The following NDUFAF2 variants were observed in gnomAD, a reference collection of about 807,000 sequenced individuals.
NDUFAF2 encodes the protein NADH:ubiquinone oxidoreductase complex assembly factor 2.
In NDUFAF2, 13 loss-of-function variants were observed where a neutral mutation model predicts 22.8. That is an observed-to-expected ratio of 0.57 (90% CI 0.37 to 0.91). NDUFAF2 has a LOEUF of 0.91. Among genes scored for constraint, NDUFAF2 ranks in the 40% least tolerant of loss-of-function variants. The probability of loss-of-function intolerance (pLI) is 0.01; values close to 1 mark genes in which losing one functional copy is unlikely to be tolerated. For missense variants in NDUFAF2, 162 were observed against 195.2 expected (o/e 0.83, Z 1.01); for synonymous variants, 53 against 64.2 (o/e 0.83, Z 0.84).
chr5:61,089,740 G>A (rs548647457), intron 2 of NDUFAF2, among the ~76,000 whole-genome samples: 3 of 152,010 alleles, frequency 2.0e-5, no homozygotes, highest in Non-Finnish European at 4.4e-5. Context: ...AAATAGACTA[G>A]GCAATATTTA....
chr5:61,064,057 T>G (rs1752199698), intron 1 of NDUFAF2, among the ~76,000 whole-genome samples: 1 of 152,084 alleles, frequency 6.6e-6, no homozygotes, highest in South Asian at 2.1e-4. Context: ...AAGAAGATAT[T>G]CCATTTAATG....
At chr5:60,947,674 G>A (rs540778471) in intron 1 of NDUFAF2, among the ~76,000 whole-genome samples, 2 of 148,566 alleles carry the variant, frequency 1.3e-5, no homozygotes, top group African/African-American at 5.0e-5. Flanking sequence ...GCTAAGGCAG[G>A]AAAATCACTT....
chr5:61,118,116 C>A (rs1752935200), intron 3 of NDUFAF2, among the ~76,000 whole-genome samples: 1 of 152,176 alleles, frequency 6.6e-6, no homozygotes, highest in Non-Finnish European at 1.5e-5. Context: ...TCCTTTCTCA[C>A]TTCTTTCAAA....
At chr5:61,039,252 C>T (rs959264215) in intron 1 of NDUFAF2, among the ~76,000 whole-genome samples, 1 of 149,470 alleles carries the variant, frequency 6.7e-6, no homozygotes, top group African/African-American at 2.5e-5. Flanking sequence ...ATTTAAGTTA[C>T]TGTTGAAAAA....
chr5:61,136,828 G>T (rs899916240), intron 3 of NDUFAF2, among the ~76,000 whole-genome samples: 1 of 152,182 alleles, frequency 6.6e-6, no homozygotes, highest in African/African-American at 2.4e-5. Context: ...GGAAGCTGGG[G>T]TATTTATCCA....
At chr5:61,128,993 A>C (rs1355620351) in intron 3 of NDUFAF2, among the ~76,000 whole-genome samples, 2 of 152,234 alleles carry the variant, frequency 1.3e-5, no homozygotes, top group African/African-American at 4.8e-5. Flanking sequence ...AAGTATATGA[A>C]CAGACACTTC....
Position 60,982,645 on chromosome 5 carries a change from C to T in NDUFAF2, c.127+37263C>T, listed in dbSNP as rs1044238982. Among the ~76,000 whole-genome samples, 8 of 147,770 alleles carry T rather than the reference C, an allele frequency of 5.4e-5. No individual in the cohort carries two copies. The South Asian group carries it at 8.6e-4, about 16-fold the overall frequency. The stretch of plus-strand genomic sequence containing the variant: ...GTTCCCACCTATGAGTGGGAACATG[C>T]GGTGTTTGGTCTTTTGTCCTTGCGA... On this transcript the variant is annotated intron_variant, in intron 1 of 3. Coordinates refer to ENST00000296597, the MANE Select transcript of NDUFAF2 (RefSeq NM_174889.5).
intron 1 of NDUFAF2, among the ~76,000 whole-genome samples, chr5:60,997,831 T>A (rs767430642): frequency 6.6e-6 from 1 of 152,090 alleles, no homozygotes; most frequent in Non-Finnish European, 1.5e-5. Flanking sequence ...GAACAAAAAT[T>A]CTAAGTGTGT....
intron 1 of NDUFAF2, among the ~76,000 whole-genome samples, chr5:61,047,814 A>C (rs1239837189): frequency 1.3e-5 from 2 of 152,116 alleles, no homozygotes; most frequent in African/African-American, 4.8e-5. Flanking sequence ...AGTAAACTAG[A>C]GTATTTTGGT....
chr5:61,010,244 G>A (rs946308028), intron 1 of NDUFAF2, among the ~76,000 whole-genome samples: 1 of 152,064 alleles, frequency 6.6e-6, no homozygotes, highest in Non-Finnish European at 1.5e-5. Context: ...CTTTAATTCA[G>A]TGACTTTGTA....
At chr5:60,947,259 T>C (rs1234644757) in intron 1 of NDUFAF2, among the ~76,000 whole-genome samples, 1 of 152,186 alleles carries the variant, frequency 6.6e-6, no homozygotes, top group African/African-American at 2.4e-5. Context: ...AAATTCTAGT[T>C]GTTTCCACAC....
chr5:60,991,305 T>G (rs528435407), intron 1 of NDUFAF2, among the ~76,000 whole-genome samples: 5 of 152,298 alleles, frequency 3.3e-5, no homozygotes, highest in African/African-American at 1.2e-4. Flanking sequence ...TCTTATACAT[T>G]TATACTTTGA....
chr5:61,041,882 C>T (rs1751887744), intron 1 of NDUFAF2, among the ~76,000 whole-genome samples: 2 of 152,140 alleles, frequency 1.3e-5, no homozygotes, highest in Admixed American at 1.3e-4. Flanking sequence ...TTTCACATGC[C>T]ATGAATCAAT....
intron 1 of NDUFAF2, among the ~76,000 whole-genome samples, chr5:61,043,779 C>G (rs248677): frequency 0.64 from 97,115 of 151,774 alleles, 31,505 homozygotes; most frequent in East Asian, 0.94. Context: ...CACTTAGGTT[C>G]TATCCATATC....
chr5:61,139,081 G>A (rs924198956), intron 3 of NDUFAF2, among the ~76,000 whole-genome samples: 5 of 152,144 alleles, frequency 3.3e-5, no homozygotes, highest in Admixed American at 3.3e-4. Flanking sequence ...TTACCATGAG[G>A]TTATATCCCG....
intron 3 of NDUFAF2, among the ~76,000 whole-genome samples, chr5:61,106,844 T>C (rs1752770250): frequency 6.6e-6 from 1 of 151,198 alleles, no homozygotes; most frequent in African/African-American, 2.5e-5. Context: ...CTATCCATGT[T>C]GTTGCAAATG....
At chr5:61,130,609 A>G (rs758097327) in intron 3 of NDUFAF2, among the ~76,000 whole-genome samples, 3 of 152,088 alleles carry the variant, frequency 2.0e-5, no homozygotes, top group South Asian at 4.1e-4. Flanking sequence ...GAAGGAGTCA[A>G]TGAGATTTAC....
intron 3 of NDUFAF2, among the ~76,000 whole-genome samples, chr5:61,128,477 C>T (rs1486762151): frequency 6.6e-6 from 1 of 152,020 alleles, no homozygotes; most frequent in Non-Finnish European, 1.5e-5. Context: ...CAGAACAGAG[C>T]CCTCAGAAAT....
chr5:61,130,112 T>C (rs1753090709), intron 3 of NDUFAF2, among the ~76,000 whole-genome samples: 1 of 152,130 alleles, frequency 6.6e-6, no homozygotes, highest in African/African-American at 2.4e-5. Context: ...TTTAAAAAAA[T>C]GGTTTTACCT....
Sources: gnomAD v4.1 joint callset for allele counts (sites outside exome capture counted in the v4.1 genomes callset) on GRCh38, gnomAD v4.1.1 for gene constraint, MANE v1.5 for transcripts, NCBI Gene and HGNC (gene_info 2026-07-23, HGNC 2026-07-21) for gene names.